Variants in SV2C observed in about 807,000 individuals in gnomAD.
SV2C encodes solute carrier family 22 member B3.
In SV2C, 49 loss-of-function variants were observed where a neutral mutation model predicts 79.7. The ratio of observed to expected loss-of-function variants is 0.61; its 90% CI spans 0.49 to 0.78. SV2C has a LOEUF of 0.78. SV2C is among the 30% of genes least tolerant of loss of function. The pLI, the probability that SV2C is intolerant of heterozygous loss-of-function variation, is 0.00. For missense variants in SV2C, 833 were observed against 912.9 expected (o/e 0.91, Z 1.13); for synonymous variants, 334 against 333.2 (o/e 1.00, Z -0.03).
intron 4 of SV2C, among the ~76,000 whole-genome samples, chr5:76,222,572 TAAAAC>T (rs1170321347): frequency 1.3e-5 from 2 of 152,158 alleles, no homozygotes; most frequent in East Asian, 3.9e-4. Context: ...TGTGATAAAA[TAAAAC>T]AGAACTATAT....
At chr5:76,124,578 G>A (rs1213859576) in intron 1 of SV2C, among the ~76,000 whole-genome samples, 3 of 152,264 alleles carry the variant, frequency 2.0e-5, no homozygotes, top group African/African-American at 7.2e-5. Flanking sequence ...AATCATAGAT[G>A]TATAAATATC....
the SV2C span, among the ~76,000 whole-genome samples, chr5:75,898,885 G>A: frequency 6.6e-6 from 1 of 152,164 alleles, no homozygotes; most frequent in Non-Finnish European, 1.5e-5. Context: ...TCTGATGGTA[G>A]TTTGTATTTC....
the SV2C span, among the ~76,000 whole-genome samples, chr5:75,972,007 T>G: frequency 6.6e-6 from 1 of 152,018 alleles, no homozygotes; most frequent in Admixed American, 6.6e-5. Flanking sequence ...AACAGAGCCC[T>G]CAGAAATAAT....
chr5:76,056,627 T>TC, the SV2C span, among the ~76,000 whole-genome samples: 5 of 143,366 alleles, frequency 3.5e-5, no homozygotes, highest in South Asian at 4.4e-4. Flanking sequence ...GGGCTTTCTT[T>TC]TTTTTTTTTT....
intron 1 of SV2C, among the ~76,000 whole-genome samples, chr5:76,085,531 C>T (rs1747158625): frequency 6.6e-6 from 1 of 150,748 alleles, no homozygotes; most frequent in Middle Eastern, 3.2e-3. Flanking sequence ...TGAAAGGGGA[C>T]GGGGTTGGGA....
chr5:75,992,159 A>G, the SV2C span, among the ~76,000 whole-genome samples: 28 of 152,094 alleles, frequency 1.8e-4, no homozygotes, highest in African/African-American at 5.3e-4. Flanking sequence ...TGGTCTATAT[A>G]TCCAATTTAT....
At chr5:76,344,617 G>A (rs1336841828) in intron 12 of SV2C, among the ~76,000 whole-genome samples, 2 of 152,156 alleles carry the variant, frequency 1.3e-5, no homozygotes, top group Non-Finnish European at 2.9e-5. Context: ...GCTGAGGTAG[G>A]AGAATCGCTT....
chr5:76,300,668 T>G (rs1207424991), intron 10 of SV2C, 61 bp from the exon 11 acceptor site: 8 of 1,544,684 alleles, frequency 5.2e-6, no homozygotes, highest in Non-Finnish European at 7.1e-6. Context: ...CCATAGGCTT[T>G]CTTATACTGG....
At chr5:76,069,215 C>T in the SV2C span, among the ~76,000 whole-genome samples, 1 of 152,202 alleles carries the variant, frequency 6.6e-6, no homozygotes, top group East Asian at 1.9e-4. Context: ...TCTATATCAA[C>T]ACCATATGCT....
At chr5:76,085,453 C>A (rs1328252157) in intron 1 of SV2C, among the ~76,000 whole-genome samples, 1 of 151,962 alleles carries the variant, frequency 6.6e-6, no homozygotes, top group African/African-American at 2.4e-5. Flanking sequence ...TTCTGGAAAC[C>A]CAGTGACAAA....
At chr5:76,085,832 C>CACACAT (rs961661958) in intron 1 of SV2C, among the ~76,000 whole-genome samples, 22 of 150,726 alleles carry the variant, frequency 1.5e-4, no homozygotes, top group African/African-American at 5.4e-4. Context: ...CCCCTACACA[C>CACACAT]ACACACACAC....
At chr5:75,852,482 T>G in the SV2C span, among the ~76,000 whole-genome samples, 1 of 152,054 alleles carries the variant, frequency 6.6e-6, no homozygotes, top group Non-Finnish European at 1.5e-5. Context: ...CAATGCAAGG[T>G]AAAAAGATAA....
intron 12 of SV2C, among the ~76,000 whole-genome samples, chr5:76,309,244 G>T (rs1315154414): frequency 6.6e-6 from 1 of 152,090 alleles, no homozygotes; most frequent in African/African-American, 2.4e-5. Context: ...ATCATTCTTG[G>T]CCTTTAGAGA....
the SV2C span, among the ~76,000 whole-genome samples, chr5:75,892,794 T>C: frequency 8.5e-3 from 1,297 of 152,120 alleles, 23 homozygotes; most frequent in African/African-American, 0.029. Context: ...TTGTATTCCA[T>C]GTATCAAGTG....
intron 12 of SV2C, among the ~76,000 whole-genome samples, chr5:76,347,490 G>C (rs971059471): frequency 2.0e-5 from 3 of 152,114 alleles, no homozygotes; most frequent in Admixed American, 6.5e-5. Context: ...TGTCGCCCAA[G>C]CTGGAGTGCA....
chr5:76,078,963 A>G (rs1746931650), upstream of SV2C: 1 of 516,914 alleles, frequency 1.9e-6, no homozygotes, highest in Non-Finnish European at 3.9e-6. Context: ...AAAGAATGAA[A>G]GAATTGAGTC....
intron 1 of SV2C, among the ~76,000 whole-genome samples, chr5:76,104,119 A>AGAGG (rs1747828042): frequency 6.6e-6 from 1 of 152,236 alleles, no homozygotes; most frequent in Non-Finnish European, 1.5e-5. Context: ...AAGTCAGCAG[A>AGAGG]GAGGAGTGAC....
At chr5:76,006,186 A>G in the SV2C span, among the ~76,000 whole-genome samples, 132,532 of 152,106 alleles carry the variant, frequency 0.87, 58,117 homozygotes, top group African/African-American at 0.97. Context: ...CCTTTTTATA[A>G]TAAGAAGTGA....
the SV2C span, among the ~76,000 whole-genome samples, chr5:76,042,887 C>T: frequency 6.6e-6 from 1 of 152,168 alleles, no homozygotes; most frequent in Admixed American, 6.5e-5. Context: ...TCTCTGATCC[C>T]ATACTCTATA....
Sources: gnomAD v4.1 joint callset for allele counts (sites outside exome capture counted in the v4.1 genomes callset) on GRCh38, gnomAD v4.1.1 for gene constraint, MANE v1.5 for transcripts, NCBI Gene and HGNC (gene_info 2026-07-23, HGNC 2026-07-21) for gene names.